Variants in DPYSL4 observed in about 807,000 individuals in gnomAD.
The protein encoded by DPYSL4 is dihydropyrimidinase-related protein 4.
A neutral mutation model predicts 63.4 loss-of-function variants in DPYSL4; 43 were observed. The ratio of observed to expected loss-of-function variants is 0.68; its 90% CI spans 0.53 to 0.88. The LOEUF is 0.88. DPYSL4 is among the 40% of genes least tolerant of loss of function. The pLI is 0.00. For missense variants in DPYSL4, 733 were observed against 819.5 expected (o/e 0.89, Z 1.29); for synonymous variants, 353 against 331.7 (o/e 1.06, Z -0.70).
At chr10:132,202,605 C>G (rs757817249) in intron 11 of DPYSL4, 41 bp from the exon 12 acceptor site, 1 of 1,605,670 alleles carries the variant, frequency 6.2e-7, no homozygotes, top group Non-Finnish European at 8.5e-7. Context: ...ACTGTTGGGC[C>G]CCAGCGTGGA....
At position 132,193,398 on chromosome 10, in the gene DPYSL4, G is replaced by A. The variant is rs78530692; in HGVS notation, c.313+556G>A. The stretch of plus-strand genomic sequence containing the variant: ...CACGGGCTCTATCCTGACACCCATC[G>A]GCTCACATGCTCTCCTCCTAAAACC... On this transcript the variant is annotated intron_variant, in intron 3 of 13. Coordinates refer to ENST00000338492, the MANE Select transcript of DPYSL4 (RefSeq NM_006426.3). Among the ~76,000 whole-genome samples the A allele has an allele frequency of 8.9e-3, 1,363 of 152,336 alleles. 27 individuals are homozygous for A. The highest frequency in any genetic ancestry group is 0.03 in the African/African-American group (1,268 of 41,582).
chr10:132,204,230 G>A (rs1444844525), intron 13 of DPYSL4, among the ~76,000 whole-genome samples: 2 of 152,216 alleles, frequency 1.3e-5, no homozygotes, highest in Non-Finnish European at 2.9e-5. Flanking sequence ...CCTCAGGGGA[G>A]GTGGGAGGCC....
In DPYSL4 at chr10:132,192,583, CT is replaced by C. The variant is rs1219708981; in HGVS notation, c.129-74del. On this transcript the variant is annotated intron_variant, in intron 2 of 13. Coordinates refer to ENST00000338492, the MANE Select transcript of DPYSL4 (RefSeq NM_006426.3). The stretch of plus-strand genomic sequence containing the variant: ...TGGAGCTCATGCAAACCCTTTAGCT[CT>C]GCTGCATTGCTGGGAGCCCATCTGG... 23 of 1,514,392 alleles carry C rather than the reference CT, an allele frequency of 1.5e-5. No individual in the cohort carries two copies. The African/African-American group carries it at 2.9e-4, about 19-fold the overall frequency. 93.8% of individuals were successfully genotyped at this position (1,514,392 alleles called of 1,614,324 possible).
intron 10 of DPYSL4, among the ~76,000 whole-genome samples, chr10:132,201,335 C>CAAA (rs1392368913): frequency 4.6e-5 from 7 of 152,158 alleles, no homozygotes; most frequent in African/African-American, 1.7e-4. Context: ...CCCTGTCCTG[C>CAAA]GCCCTCCCGC....
chr10:132,187,647 C>T (rs552533613), intron 1 of DPYSL4, among the ~76,000 whole-genome samples: 6 of 152,360 alleles, frequency 3.9e-5, no homozygotes, highest in Non-Finnish European at 7.3e-5. Context: ...GATTTAGCCC[C>T]GGCCGCTCTG....
At chr10:132,187,125 C>T (rs761470716) in intron 1 of DPYSL4, 23 bp downstream of exon 1, 182 of 1,519,872 alleles carry the variant, frequency 1.2e-4, no homozygotes, top group East Asian at 1.5e-4. Context: ...CCGCTTCGCC[C>T]GGCGCCCCCT....
At chr10:132,196,948 T>C in intron 5 of DPYSL4, 26 bp downstream of exon 5, 1 of 1,613,208 alleles carries the variant, frequency 6.2e-7, no homozygotes. Flanking sequence ...GGGAACGGAG[T>C]GGGCAGGTAT....
chr10:132,198,083 C>G (rs1488386048), intron 6 of DPYSL4, among the ~76,000 whole-genome samples: 1 of 152,218 alleles, frequency 6.6e-6, no homozygotes, highest in East Asian at 1.9e-4. Flanking sequence ...TGCCTGTGCA[C>G]ACCCCCACAC....
Position 132,202,659 on chromosome 10 carries a change from A to T in DPYSL4, c.1295A>T (p.Asn432Ile), listed in dbSNP as rs370317245. 3 of 1,612,658 alleles carry T rather than the reference A, an allele frequency of 1.9e-6. No homozygotes were observed. The highest frequency in any genetic ancestry group is 2.7e-5 in the African/African-American group (2 of 74,910). ...CTCTCTCCCCAGAACGTGGAGTACAACATCTTCGAGGGAGTGGAGTGCCGG... is the reference window on the plus strand; with the variant it reads ...CTCTCTCCCCAGAACGTGGAGTACATCATCTTCGAGGGAGTGGAGTGCCGG... ...AKTHNLNVEY[N>I]IFEGVECRGA... The change falls in exon 12 of 14, where the codon AAC becomes ATC. Residue 432 changes from asparagine to isoleucine, a missense_variant. Transcript: ENST00000338492.
At chr10:132,192,410 G>A in intron 2 of DPYSL4, 1 of 1,150,662 alleles carries the variant, frequency 8.7e-7, no homozygotes, top group Non-Finnish European at 1.1e-6. Context: ...CCAGGGACCT[G>A]AGTGGAAAAC....
chr10:132,198,061 C>T (rs975794740), intron 6 of DPYSL4, among the ~76,000 whole-genome samples: 2 of 152,222 alleles, frequency 1.3e-5, no homozygotes, highest in Non-Finnish European at 2.9e-5. Flanking sequence ...TCCTGACCTG[C>T]AGAGCCCTCC....
At chr10:132,201,028 T>TG in intron 10 of DPYSL4, 45 bp downstream of exon 10, 3 of 1,600,550 alleles carry the variant, frequency 1.9e-6, no homozygotes, top group Non-Finnish European at 2.6e-6. Context: ...GGAGCGGCTG[T>TG]GGGCGGGATT....
chr10:132,191,510 A>G (rs59027039), intron 2 of DPYSL4, among the ~76,000 whole-genome samples: 22 of 50,736 alleles, frequency 4.3e-4, no homozygotes, highest in African/African-American at 4.8e-4. Flanking sequence ...ATCCAGGCAG[A>G]TGAACATAGT....
rs1337000634 is a variant in DPYSL4 at position 132,199,092 on chromosome 10, C to T, written c.811+121C>T. The T allele has an allele frequency of 5.0e-6, 7 of 1,407,762 alleles. No homozygotes were observed. In the Admixed American group the frequency reaches 7.4e-5, roughly 15 times the overall value. 87.2% of individuals were successfully genotyped at this position (1,407,762 alleles called of 1,614,324 possible). ...CGGGGCGGGGCACTGGACCCTGAGTCCCTGCATCGGGGTGGGGCACTGGAC... is the reference window on the plus strand; with the variant it reads ...CGGGGCGGGGCACTGGACCCTGAGTTCCTGCATCGGGGTGGGGCACTGGAC... On this transcript the variant is annotated intron_variant, in intron 8 of 13. Coordinates refer to ENST00000338492, the MANE Select transcript of DPYSL4 (RefSeq NM_006426.3).
intron 1 of DPYSL4, among the ~76,000 whole-genome samples, chr10:132,188,094 T>C (rs1295312783): frequency 5.3e-5 from 8 of 152,118 alleles, no homozygotes; most frequent in African/African-American, 1.7e-4. Flanking sequence ...TCTGCCCGGC[T>C]GGGTCTGGTC....
At chr10:132,189,340 C>T (rs1051224528) in intron 1 of DPYSL4, among the ~76,000 whole-genome samples, 4 of 152,354 alleles carry the variant, frequency 2.6e-5, no homozygotes, top group Non-Finnish European at 2.9e-5. Flanking sequence ...CCCCATTCTC[C>T]AATGAGGTCA....
chr10:132,192,131 T>C (rs2061886925), intron 2 of DPYSL4, among the ~76,000 whole-genome samples: 1 of 152,268 alleles, frequency 6.6e-6, no homozygotes, highest in Non-Finnish European at 1.5e-5. Flanking sequence ...GTGAAATCCA[T>C]GGGAGAGGTT....
At chr10:132,193,839 C>A (rs1044220408) in intron 3 of DPYSL4, among the ~76,000 whole-genome samples, 1 of 152,238 alleles carries the variant, frequency 6.6e-6, no homozygotes, top group Non-Finnish European at 1.5e-5. Flanking sequence ...CCTGAAACAC[C>A]TCGCGGGACA....
intron 2 of DPYSL4, chr10:132,192,256 G>A: frequency 1.0e-6 from 1 of 958,692 alleles, no homozygotes; most frequent in Non-Finnish European, 1.2e-6. Flanking sequence ...CAGGACACCA[G>A]CTTCCACGTT....
Sources: allele counts gnomAD v4.1 joint callset (sites outside exome capture counted in the v4.1 genomes callset), GRCh38; gene constraint gnomAD v4.1.1; transcripts MANE v1.5; gene names NCBI Gene and HGNC (gene_info 2026-07-23, HGNC 2026-07-21).